The following NEB variants were observed in gnomAD, a reference collection of about 807,000 sequenced individuals.
NEB encodes nemaline myopathy type 2.
A neutral mutation model predicts 952.2 loss-of-function variants in NEB; 512 were observed. The observed-to-expected ratio is 0.54, with a 90% CI of 0.50 to 0.58. NEB has a LOEUF of 0.58. Among genes scored for constraint, NEB ranks in the 20% least tolerant of loss-of-function variants. The pLI is 0.00. For synonymous variants in NEB, 2,900 were observed against 3,149.8 expected (o/e 0.92, Z 2.66); for missense variants, 8,428 against 9,231.1 (o/e 0.91, Z 3.56).
Position 151,654,092 on chromosome 2 carries a change from T to C in NEB, c.6815A>G (p.Tyr2272Cys), listed in dbSNP as rs762107662. The stretch of plus-strand genomic sequence containing the variant: ...CAAAGCTTCTTCCCATCCAAGTTTA[T>C]AGAGTTTCTGAAAATTAAAGATATT... ...QNQTLYSQKLYKLGWEEALKK... is the reference protein window; with the variant it reads ...QNQTLYSQKLCKLGWEEALKK... The change falls in exon 52 of 182, where the codon TAT (tyrosine) becomes TGT (cysteine). Residue 2272 changes from tyrosine to cysteine, a missense_variant. Tyr to Cys is a radical substitution (Grantham distance 194). Transcript: ENST00000397345. 6 of 1,597,910 alleles carry C rather than the reference T, an allele frequency of 3.8e-6. No homozygotes were observed. The South Asian group carries it at 4.5e-5, about 12-fold the overall frequency.
At position 151,706,715 on chromosome 2, in the gene NEB, C is replaced by T. The variant is rs542945536; in HGVS notation, c.1152+166G>A. On this transcript the variant is annotated intron_variant, in intron 13 of 181. Coordinates refer to ENST00000397345, the MANE Select transcript of NEB (RefSeq NM_001164508.2). ...ACCACAAACAGTAAGGCACATTGTACTCAGAGGGACTCATGCCTTTCTGTG... is the reference window on the plus strand; with the variant it reads ...ACCACAAACAGTAAGGCACATTGTATTCAGAGGGACTCATGCCTTTCTGTG... 3.9e-5 allele frequency among the ~76,000 whole-genome samples: 6 copies of T among 152,304 alleles called. No individual in the cohort carries two copies. In the South Asian group the frequency reaches 1.2e-3, roughly 32 times the overall value.
chr2:151,725,079 T>C (rs2099786483), intron 6 of NEB, 118 bp from the exon 7 acceptor site: 1 of 739,220 alleles, frequency 1.4e-6, no homozygotes, highest in Non-Finnish European at 2.2e-6. Flanking sequence ...TCACAAAGCA[T>C]AGTTTCTGCA....
rs746394316 is a variant in NEB, at chr2:151,555,035, G to A, written c.19324C>T (p.Arg6442Trp). The A allele has an allele frequency of 2.8e-5, 45 of 1,598,212 alleles. No homozygotes were observed. The highest frequency in any genetic ancestry group is 3.8e-5 in the Non-Finnish European group (44 of 1,165,750). ...QKHLASHIKY[R>W]EEYEKFKALY... The stretch of plus-strand genomic sequence containing the variant: ...GCTTTGAACTTTTCATATTCTTCCC[G>A]ATATTTGATCTATAGAGAATAAGTA... The change falls in exon 125 of 182, where the codon CGG becomes TGG. Residue 6442 changes from arginine (R) to tryptophan (W), a missense_variant. Physicochemically the swap from Arg to Trp is moderately radical, Grantham distance 101. Transcript: ENST00000397345.
In NEB at chr2:151,682,779, C is replaced by A. The variant is rs2148737884; in HGVS notation, c.2836-10G>T. On this transcript the variant is annotated splice_polypyrimidine_tract_variant and intron_variant, in intron 28 of 181. Coordinates refer to ENST00000397345, the MANE Select transcript of NEB (RefSeq NM_001164508.2). ...CAGCTTTGTATTCAACCTAAAACAC[C>A]AAGAGAAAGGTTACATTTCTTTGCT... 6.2e-7 allele frequency: 1 copy of A among 1,601,372 alleles called. No individual in the cohort carries two copies. Among genetic ancestry groups the A allele is most frequent in the East Asian group, 2.2e-5 (1 of 44,746 alleles).
At chr2:151,512,676 G>A in intron 161 of NEB, 57 bp downstream of exon 161, 2 of 1,183,340 alleles carry the variant, frequency 1.7e-6, no homozygotes, top group Non-Finnish European at 2.5e-6. Flanking sequence ...TTAATGGAAG[G>A]ACTTCCATTC....
chr2:151,506,173 A>G lies in NEB; in HGVS notation c.23642T>C (p.Ile7881Thr). Residue 7881 changes from isoleucine to threonine, a missense_variant, in exon 164 of 182, where the codon ATT becomes ACT. Around this residue, in one of 11 missense-constraint regions of NEB, gnomAD observed 3,374 missense variants for 3,651.5 expected, o/e 0.92. Transcript: ENST00000397345. Reference sequence around the variant, plus strand: ...CATTCACTGTGTCTTTACCGAGCTAATGTGGTCCTGTGTTTGTTTCACTCT... The same window carrying G: ...CATTCACTGTGTCTTTACCGAGCTAGTGTGGTCCTGTGTTTGTTTCACTCT... Reference protein sequence around the residue: ...MMRVKQTQDHISSVKYKEAIG... With the variant: ...MMRVKQTQDHTSSVKYKEAIG... 6.2e-7 allele frequency: 1 copy of G among 1,610,288 alleles called. No homozygotes were observed.
Position 151,678,925 on chromosome 2 carries a change from G to A in NEB, c.3256-738C>T, listed in dbSNP as rs1368897207. Among the ~76,000 whole-genome samples, 4 of 152,140 alleles carry A rather than the reference G, an allele frequency of 2.6e-5. No homozygotes were observed. The South Asian group carries it at 6.2e-4, about 24-fold the overall frequency. The stretch of plus-strand genomic sequence containing the variant: ...AATCATCACATATTTACACTGGTGC[G>A]ATGTAAACCTAATTTCAAACAATCA... On this transcript the variant is annotated intron_variant, in intron 32 of 181. Transcript: ENST00000397345.
chr2:151,669,185 T>C (rs1172213158), intron 38 of NEB, 54 bp from the exon 39 acceptor site: 20 of 1,265,024 alleles, frequency 1.6e-5, no homozygotes, highest in Non-Finnish European at 2.1e-5. Flanking sequence ...AATATAAATT[T>C]CATCAAGCAG....
chr2:151,512,349 T>A (rs2075196110), intron 161 of NEB, among the ~76,000 whole-genome samples: 1 of 150,956 alleles, frequency 6.6e-6, no homozygotes, highest in African/African-American at 2.4e-5. Context: ...CTTTTTTTTT[T>A]AAGAGTCTCA....
intron 13 of NEB, 102 bp downstream of exon 13, chr2:151,706,779 A>T: frequency 2.5e-6 from 2 of 813,912 alleles, no homozygotes; most frequent in Non-Finnish European, 4.0e-6. Context: ...CCATAACCTT[A>T]ATGTATTTGC....
At chr2:151,559,362 C>T (rs886183223) in intron 124 of NEB, among the ~76,000 whole-genome samples, 3 of 152,134 alleles carry the variant, frequency 2.0e-5, no homozygotes, top group Non-Finnish European at 4.4e-5. Context: ...ACTAGTTCAA[C>T]CATTGTGGAA....
chr2:151,642,689 A>G lies in NEB; in HGVS notation c.8266-8T>C. 1.2e-6 allele frequency: 2 copies of G among 1,612,654 alleles called. No homozygotes were observed. Among genetic ancestry groups the G allele is most frequent in the East Asian group, 4.5e-5 (2 of 44,836 alleles). ...GCCAAGCTTATACAATTTCTAAAAT[A>G]GACATTAATAGTAAGTTGGATTTAT... On this transcript the variant is annotated splice_polypyrimidine_tract_variant and splice_region_variant and intron_variant, in intron 59 of 181. Coordinates refer to ENST00000397345, the MANE Select transcript of NEB (RefSeq NM_001164508.2).
At chr2:151,491,129 C>G (rs1358474646) in intron 179 of NEB, 1 of 153,434 alleles carries the variant, frequency 6.5e-6, no homozygotes, top group Non-Finnish European at 1.4e-5. Context: ...TTTCTAGGCT[C>G]AAGCTATCCT....
In NEB at chr2:151,618,383, T is replaced by G; in HGVS notation, c.10968A>C (p.Leu3656Phe). The G allele has an allele frequency of 6.2e-7, 1 of 1,613,984 alleles. No homozygotes were observed. The highest frequency in any genetic ancestry group is 8.5e-7 in the Non-Finnish European group (1 of 1,179,870). The change falls in exon 74 of 182, where the codon TTA becomes TTC. Residue 3656 changes from leucine to phenylalanine, a missense_variant. Around this residue, in one of 11 missense-constraint regions of NEB, gnomAD observed 1,772 missense variants for 1,960.3 expected, o/e 0.90. Transcript: ENST00000397345. ...GCTGACGGTAGATAGTATCACTAAG[T>G]AATTCTCCAGCTCTCTTGGCCCTAA... ...EVVRAKRAGE[L>F]LSDTIYRQRP...
At chr2:151,710,394 C>A (rs2099741355) in intron 11 of NEB, 40 bp downstream of exon 11, 1 of 1,414,498 alleles carries the variant, frequency 7.1e-7, no homozygotes, top group Non-Finnish European at 9.9e-7. Context: ...AAGGGGTCTC[C>A]CTCCCAGGAT....
At chr2:151,647,352 C>T (rs561076178) in intron 54 of NEB, among the ~76,000 whole-genome samples, 2 of 150,790 alleles carry the variant, frequency 1.3e-5, no homozygotes, top group East Asian at 4.0e-4. Context: ...GCAGGTGATC[C>T]ACCTGCCTCG....
intron 6 of NEB, 33 bp downstream of exon 6, chr2:151,725,420 G>A: frequency 1.3e-6 from 2 of 1,541,798 alleles, no homozygotes; most frequent in Non-Finnish European, 1.8e-6. Context: ...ATTTTGAAAT[G>A]TCCCTCTCCT....
chr2:151,524,815 G>C lies in NEB; in HGVS notation c.22273-199C>G, dbSNP rs182845454. ...CCGAGTAGCTGGGGACTGCAGGTGT[G>C]CACCACCATGCCCGGCTGATTTTTG... On this transcript the variant is annotated intron_variant, in intron 151 of 181. Coordinates refer to ENST00000397345, the MANE Select transcript of NEB (RefSeq NM_001164508.2). 5.9e-4 allele frequency among the ~76,000 whole-genome samples: 89 copies of C among 151,696 alleles called. 1 individual carries two copies. Among genetic ancestry groups the C allele is most frequent in the Admixed American group, 5.1e-3 (77 of 15,226 alleles).
chr2:151,537,984 A>AT lies in NEB; in HGVS notation c.20998-9_20998-8insA. 1 of 1,605,194 alleles carries AT rather than the reference A, an allele frequency of 6.2e-7. No homozygotes were observed. The highest frequency in any genetic ancestry group is 8.5e-7 in the Non-Finnish European group (1 of 1,172,528). On this transcript the variant is annotated splice_polypyrimidine_tract_variant and intron_variant, in intron 139 of 181. Coordinates refer to ENST00000397345, the MANE Select transcript of NEB (RefSeq NM_001164508.2). ...GTTCTCCTTGTATTTTATCTGTTAT[A>AT]AAAAACACAAAGACAGCTGTAAGTC...
Sources: gnomAD v4.1 joint callset for allele counts (sites outside exome capture counted in the v4.1 genomes callset) on GRCh38, gnomAD v4.1.1 for gene constraint, gnomAD v4.1.1 regional missense constraint, MANE v1.5 for transcripts, NCBI Gene and HGNC (gene_info 2026-07-23, HGNC 2026-07-21) for gene names.